The following RNF144B variants were observed in gnomAD, a reference collection of about 807,000 sequenced individuals.
RNF144B encodes E3 ubiquitin-protein ligase RNF144B.
Under a neutral mutation model 40.2 loss-of-function variants are expected in RNF144B, and 25 were observed. That is an observed-to-expected ratio of 0.62 (90% CI 0.45 to 0.87). The LOEUF (loss-of-function observed/expected upper bound fraction) is 0.87, where lower values mean the gene tolerates loss of function less well. RNF144B is among the 40% of genes least tolerant of loss of function. The probability of loss-of-function intolerance (pLI) is 0.00; values close to 1 mark genes in which losing one functional copy is unlikely to be tolerated. For missense variants in RNF144B, 365 were observed against 373.7 expected (o/e 0.98, Z 0.19); for synonymous variants, 145 against 136.3 (o/e 1.06, Z -0.44).
rs555333090 is a variant in RNF144B at position 18,425,487 on chromosome 6, C to T, written c.166-2094C>T. Among the ~76,000 whole-genome samples the T allele has an allele frequency of 3.3e-5, 5 of 152,226 alleles. No individual in the cohort carries two copies. Among genetic ancestry groups the T allele is most frequent in the East Asian group, 1.9e-4 (1 of 5,164 alleles). On this transcript the variant is annotated intron_variant, in intron 2 of 7. Coordinates refer to ENST00000259939, the MANE Select transcript of RNF144B (RefSeq NM_182757.4). The surrounding 1 kb of genome is among the most constrained non-coding windows in gnomAD (Gnocchi z 4.2). ...CGCCTTGACTGTTCCCCTGGGTGTTCGCCTGCCCATTGACATTCTTCCCCA... is the reference window on the plus strand; with the variant it reads ...CGCCTTGACTGTTCCCCTGGGTGTTTGCCTGCCCATTGACATTCTTCCCCA...
In RNF144B at chr6:18,425,771, A is replaced by G. The variant is rs1232626776; in HGVS notation, c.166-1810A>G. On this transcript the variant is annotated intron_variant, in intron 2 of 7. Coordinates refer to ENST00000259939, the MANE Select transcript of RNF144B (RefSeq NM_182757.4). This position sits in a 1 kb window ranked among gnomAD's most constrained non-coding sequence, Gnocchi z 4.2. ...CATGTCTTTTAAATATCATTTGAAG[A>G]CTCTTTTCATGATTCTGCACATTCT... Among the ~76,000 whole-genome samples, 2 of 151,972 alleles carry G rather than the reference A, an allele frequency of 1.3e-5. No individual in the cohort carries two copies. Among genetic ancestry groups the G allele is most frequent in the African/African-American group, 2.4e-5 (1 of 41,344 alleles).
intron 3 of RNF144B, among the ~76,000 whole-genome samples, chr6:18,435,890 G>T (rs1485395240): frequency 7.6e-6 from 1 of 131,840 alleles, no homozygotes; most frequent in South Asian, 2.8e-4. Flanking sequence ...GGGGAGGGGG[G>T]AGGGATAGCA....
At chr6:18,440,948 C>T (rs1036117822) in intron 4 of RNF144B, among the ~76,000 whole-genome samples, 26 of 151,028 alleles carry the variant, frequency 1.7e-4, no homozygotes, top group African/African-American at 6.1e-4. Context: ...TACGTTTTTG[C>T]TCTATATCCA....
At position 18,443,668 on chromosome 6, in the gene RNF144B, A is replaced by G. The variant is rs1759015845; in HGVS notation, c.331+3924A>G. On this transcript the variant is annotated intron_variant, in intron 4 of 7. Coordinates refer to ENST00000259939, the MANE Select transcript of RNF144B (RefSeq NM_182757.4). This position sits in a 1 kb window ranked among gnomAD's most constrained non-coding sequence, Gnocchi z 4.7. ...TTCAAATAAGAGTAAATTTAAGTTA[A>G]TGAAGTGCTACATAATGGAATTTAC... Among the ~76,000 whole-genome samples, 3 of 152,230 alleles carry G rather than the reference A, an allele frequency of 2.0e-5. No homozygotes were observed. Among genetic ancestry groups the G allele is most frequent in the African/African-American group, 7.2e-5 (3 of 41,458 alleles).
rs962863212 is a variant in RNF144B, at chr6:18,465,922, T to A, written c.*855T>A. ...TAGATATCTGGGACCTTTCTCAGGA[T>A]CTGTGTTCACACAGCCAATAGATTT... On this transcript the variant is annotated 3_prime_UTR_variant, in exon 8 of 8. Coordinates refer to ENST00000259939, the MANE Select transcript of RNF144B (RefSeq NM_182757.4). The A allele has an allele frequency of 7.2e-5, 11 of 152,212 alleles. No homozygotes were observed. The highest frequency in any genetic ancestry group is 2.2e-4 in the African/African-American group (9 of 41,450). 9.4% of individuals were successfully genotyped at this position (152,212 alleles called of 1,614,324 possible).
At position 18,457,972 on chromosome 6, in the gene RNF144B, C is replaced by G. The variant is rs1209147977; in HGVS notation, c.536+613C>G. ...TTTGTTTTTGAGACAGAGTCTTGCTCTGTTGCCTAGACTGGAGTTCAGTGG... is the reference window on the plus strand; with the variant it reads ...TTTGTTTTTGAGACAGAGTCTTGCTGTGTTGCCTAGACTGGAGTTCAGTGG... On this transcript the variant is annotated intron_variant, in intron 5 of 7. Transcript: ENST00000259939. The surrounding 1 kb of genome is among the most constrained non-coding windows in gnomAD (Gnocchi z 5.1). Among the ~76,000 whole-genome samples, 1 of 152,014 alleles carries G rather than the reference C, an allele frequency of 6.6e-6. No homozygotes were observed. Among genetic ancestry groups the G allele is most frequent in the Non-Finnish European group, 1.5e-5 (1 of 68,012 alleles).
At position 18,468,213 on chromosome 6, in the gene RNF144B, C is replaced by G. The variant is rs1759614464; in HGVS notation, c.*3146C>G. The G allele has an allele frequency of 6.6e-6, 1 of 152,200 alleles. No homozygotes were observed. The allele number at this position is 152,200 out of a possible 1,614,324, so 9.4% of individuals were successfully genotyped here. ...TTGTAACCTGGATGTTATAGCCCAG[C>G]ATCTAGAAATCCTATGAAACGTATT... On this transcript the variant is annotated 3_prime_UTR_variant, in exon 8 of 8. Coordinates refer to ENST00000259939, the MANE Select transcript of RNF144B (RefSeq NM_182757.4).
At chr6:18,454,695 A>G (rs1251507360) in intron 4 of RNF144B, among the ~76,000 whole-genome samples, 1 of 152,010 alleles carries the variant, frequency 6.6e-6, no homozygotes, top group Non-Finnish European at 1.5e-5. Context: ...TGCACTGCTT[A>G]CTAAGGTCCT....
rs73379250 is a variant in RNF144B, at chr6:18,459,449, G to A, written c.537-158G>A. ...TAAATAAAGATTCCTTCTTGTATGA[G>A]TTATCTGTACATCTAATAATGTTTT... On this transcript the variant is annotated intron_variant, in intron 5 of 7. Transcript: ENST00000259939. The surrounding 1 kb of genome is among the most constrained non-coding windows in gnomAD (Gnocchi z 4.2). 9.4e-4 allele frequency among the ~76,000 whole-genome samples: 143 copies of A among 152,300 alleles called. No individual in the cohort carries two copies. Among genetic ancestry groups the A allele is most frequent in the African/African-American group, 3.2e-3 (135 of 41,556 alleles).
At position 18,467,229 on chromosome 6, in the gene RNF144B, AAG is replaced by A. The variant is rs1759588569; in HGVS notation, c.*2165_*2166del. On this transcript the variant is annotated 3_prime_UTR_variant, in exon 8 of 8. Transcript: ENST00000259939. ...TAAACTCTTTAAGCTTGGTGCTGCA[AAG>A]AGTCTTTAAATGGGGGCTGATTTCA... The A allele has an allele frequency of 1.3e-5, 2 of 152,504 alleles. No individual in the cohort carries two copies. Among genetic ancestry groups the A allele is most frequent in the South Asian group, 4.1e-4 (2 of 4,830 alleles). 9.4% of individuals were successfully genotyped at this position (152,504 alleles called of 1,614,324 possible).
chr6:18,387,681 G>C, intron 1 of RNF144B, 51 bp downstream of exon 1: 1 of 1,275,630 alleles, frequency 7.8e-7, no homozygotes, highest in Non-Finnish European at 1.0e-6. Context: ...GACCGGAATG[G>C]TGTTGCTGGA....
At position 18,416,037 on chromosome 6, in the gene RNF144B, T is replaced by C. The variant is rs1049671653; in HGVS notation, c.166-11544T>C. Among the ~76,000 whole-genome samples, 1 of 152,186 alleles carries C rather than the reference T, an allele frequency of 6.6e-6. No homozygotes were observed. Among genetic ancestry groups the C allele is most frequent in the South Asian group, 2.1e-4 (1 of 4,832 alleles). On this transcript the variant is annotated intron_variant, in intron 2 of 7. Transcript: ENST00000259939. The surrounding 1 kb of genome is among the most constrained non-coding windows in gnomAD (Gnocchi z 5.5). ...GGGTCTGTGTGCTAAGGCTTTGGTG[T>C]CAGCTGAGGGCTTACAGTTCTGAAG...
intron 3 of RNF144B, among the ~76,000 whole-genome samples, chr6:18,430,023 A>G (rs1252767752): frequency 1.3e-5 from 2 of 152,230 alleles, no homozygotes; most frequent in African/African-American, 2.4e-5. Flanking sequence ...TAGTGAATTC[A>G]TGCACATAAA....
intron 2 of RNF144B, among the ~76,000 whole-genome samples, chr6:18,401,127 G>T (rs374701357): frequency 2.0e-5 from 3 of 150,470 alleles, no homozygotes; most frequent in African/African-American, 7.3e-5. Flanking sequence ...TTCACTGAGG[G>T]TTACTGCTGT....
At position 18,422,106 on chromosome 6, in the gene RNF144B, G is replaced by A. The variant is rs1242262540; in HGVS notation, c.166-5475G>A. Among the ~76,000 whole-genome samples, 2 of 152,150 alleles carry A rather than the reference G, an allele frequency of 1.3e-5. No homozygotes were observed. Among genetic ancestry groups the A allele is most frequent in the Non-Finnish European group, 2.9e-5 (2 of 68,024 alleles). On this transcript the variant is annotated intron_variant, in intron 2 of 7. Transcript: ENST00000259939. The surrounding 1 kb of genome is among the most constrained non-coding windows in gnomAD (Gnocchi z 4.7). ...AAAATTTTAGGATCGGACTATACCAGGAAACAGCTTCCTGCCTAGCTATAG... is the reference window on the plus strand; with the variant it reads ...AAAATTTTAGGATCGGACTATACCAAGAAACAGCTTCCTGCCTAGCTATAG...
Position 18,446,280 on chromosome 6 carries a change from A to G in RNF144B, c.331+6536A>G, listed in dbSNP as rs937065290. 6.6e-6 allele frequency among the ~76,000 whole-genome samples: 1 copy of G among 152,158 alleles called. No individual in the cohort carries two copies. Among genetic ancestry groups the G allele is most frequent in the African/African-American group, 2.4e-5 (1 of 41,440 alleles). ...CTGGAATTATAATACATTTCCTTAA[A>G]AAACCCAGCTCTTTTACCTTCCATT... On this transcript the variant is annotated intron_variant, in intron 4 of 7. Transcript: ENST00000259939. The surrounding 1 kb of genome is among the most constrained non-coding windows in gnomAD (Gnocchi z 4.7).
intron 3 of RNF144B, among the ~76,000 whole-genome samples, chr6:18,433,996 G>A (rs1758758030): frequency 6.6e-6 from 1 of 152,184 alleles, no homozygotes; most frequent in South Asian, 2.1e-4. Context: ...TTGACAGGTT[G>A]TAATGATCCA....
intron 2 of RNF144B, among the ~76,000 whole-genome samples, chr6:18,404,415 G>C (rs1387367394): frequency 2.0e-5 from 3 of 152,186 alleles, no homozygotes; most frequent in Admixed American, 2.0e-4. Context: ...CTGTAAGACG[G>C]AGGGAGGGAG....
intron 4 of RNF144B, among the ~76,000 whole-genome samples, chr6:18,453,197 G>T (rs184776738): frequency 9.2e-5 from 13 of 140,646 alleles, no homozygotes; most frequent in African/African-American, 3.5e-4. Flanking sequence ...GGAGTACAGT[G>T]GCACGATCTT....
Sources: gnomAD v4.1 joint callset for allele counts (sites outside exome capture counted in the v4.1 genomes callset) on GRCh38, gnomAD v4.1.1 for gene constraint, Gnocchi (gnomAD v3.1) non-coding constraint, MANE v1.5 for transcripts, NCBI Gene and HGNC (gene_info 2026-07-23, HGNC 2026-07-21) for gene names.